Variants in PPFIBP2 observed in about 807,000 individuals in gnomAD.
PPFIBP2 encodes liprin-beta-2.
PPFIBP2 carries 118 observed loss-of-function variants against 118.3 expected under a neutral mutation model. That is an observed-to-expected ratio of 1.00 (90% CI 0.86 to 1.16). The LOEUF is 1.16. Among genes scored for constraint, PPFIBP2 ranks in the 50% most tolerant of loss-of-function variants. PPFIBP2 has a pLI of 0.00. For synonymous variants in PPFIBP2, 414 were observed against 397.4 expected, an observed-to-expected ratio of 1.04 and a Z score of -0.50; for missense variants, 1,195 against 1,073.1, an observed-to-expected ratio of 1.11 and a Z score of -1.59.
At chr11:7,520,883 G>A (rs1048395781) in intron 1 of PPFIBP2, among the ~76,000 whole-genome samples, 2 of 152,268 alleles carry the variant, frequency 1.3e-5, no homozygotes, top group South Asian at 2.1e-4. Flanking sequence ...TCTAGGAAAG[G>A]TGGGCTTTAT....
intron 6 of PPFIBP2, among the ~76,000 whole-genome samples, chr11:7,610,792 C>G (rs1030600838): frequency 9.9e-5 from 15 of 152,212 alleles, no homozygotes; most frequent in African/African-American, 3.4e-4. Flanking sequence ...GCCATTGACA[C>G]TGGATCCAAG....
chr11:7,543,347 A>G (rs1292986112), intron 1 of PPFIBP2, among the ~76,000 whole-genome samples: 1 of 152,224 alleles, frequency 6.6e-6, no homozygotes, highest in Non-Finnish European at 1.5e-5. Flanking sequence ...CTTCTTTATC[A>G]TCTGTTTGCC....
At chr11:7,600,400 A>G (rs1338977258) in intron 5 of PPFIBP2, among the ~76,000 whole-genome samples, 2 of 152,208 alleles carry the variant, frequency 1.3e-5, no homozygotes, top group Non-Finnish European at 2.9e-5. Flanking sequence ...CACAGTGCTG[A>G]TGCAATATCT....
chr11:7,564,150 A>C (rs1182245661), intron 2 of PPFIBP2, among the ~76,000 whole-genome samples: 1 of 150,760 alleles, frequency 6.6e-6, no homozygotes, highest in African/African-American at 2.4e-5. Context: ...TGGGTGACAG[A>C]GCAAGACTCC....
chr11:7,641,134 TCA>T, intron 15 of PPFIBP2: 1 of 1,189,318 alleles, frequency 8.4e-7, no homozygotes, highest in East Asian at 5.3e-5. Context: ...ACCCTCCCCT[TCA>T]CCAGCACTCA....
intron 5 of PPFIBP2, among the ~76,000 whole-genome samples, chr11:7,605,417 G>A (rs1847217285): frequency 6.6e-6 from 1 of 152,256 alleles, no homozygotes; most frequent in Admixed American, 6.5e-5. Flanking sequence ...GAGTCAGCCA[G>A]AGACAAACAC....
chr11:7,577,332 T>TGTGTGTGTGCGTGTGTGTGTGC (rs1554958811), intron 3 of PPFIBP2: 16 of 243,544 alleles, frequency 6.6e-5, no homozygotes, highest in East Asian at 1.9e-4. Flanking sequence ...TGTGTGTGTG[T>TGTGTGTGTGCGTGTGTGTGTGC]GTGTGTGTGT....
At position 7,520,554 on chromosome 11, in the gene PPFIBP2, G is replaced by A. The variant is rs889015439; in HGVS notation, c.-37+6433G>A. On this transcript the variant is annotated intron_variant, in intron 1 of 23. Transcript: ENST00000299492. ...ATGCAAATCTGTTCATGATGCTGTC[G>A]TGTTTGAAATCCTCTGGTGGATATC... is the stretch of plus-strand genomic sequence containing the variant. Among the ~76,000 whole-genome samples, 13 of 150,106 alleles carry A rather than the reference G, an allele frequency of 8.7e-5. No individual in the cohort carries two copies. In the East Asian group the frequency reaches 1.2e-3, roughly 13 times the overall value.
chr11:7,631,751 A>G (rs1015114524), intron 11 of PPFIBP2, among the ~76,000 whole-genome samples: 1 of 152,192 alleles, frequency 6.6e-6, no homozygotes, highest in Non-Finnish European at 1.5e-5. Context: ...CCAGTGAGCC[A>G]GTTATTGACT....
intron 5 of PPFIBP2, among the ~76,000 whole-genome samples, chr11:7,600,822 A>G (rs1861295578): frequency 6.6e-6 from 1 of 152,228 alleles, no homozygotes; most frequent in South Asian, 2.1e-4. Context: ...ATTTTTCACA[A>G]GAGACTCAAA....
chr11:7,549,157 C>G (rs1435669203), intron 1 of PPFIBP2, among the ~76,000 whole-genome samples: 1 of 152,134 alleles, frequency 6.6e-6, no homozygotes, highest in African/African-American at 2.4e-5. Context: ...ATTGTTACAC[C>G]TGGTGAGGTG....
At chr11:7,666,184 CA>C in the PPFIBP2 span, 1 of 596,882 alleles carries the variant, frequency 1.7e-6, no homozygotes, top group Non-Finnish European at 3.0e-6. Flanking sequence ...TCACAGTGGA[CA>C]GGGGCAGTGT....
intron 3 of PPFIBP2, 101 bp from the exon 4 acceptor site, chr11:7,593,031 A>G (rs773154435): frequency 2.9e-5 from 43 of 1,486,990 alleles, no homozygotes; most frequent in Admixed American, 9.0e-5. Flanking sequence ...TAATCAGTGA[A>G]ACTATCCTCA....
At chr11:7,567,617 G>A (rs570071094) in intron 3 of PPFIBP2, among the ~76,000 whole-genome samples, 39 of 152,354 alleles carry the variant, frequency 2.6e-4, no homozygotes, top group Non-Finnish European at 4.7e-4. Context: ...TCTGGACAGA[G>A]ATAGCCTGTC....
chr11:7,585,077 C>T (rs1412294312), intron 3 of PPFIBP2, among the ~76,000 whole-genome samples: 5 of 152,174 alleles, frequency 3.3e-5, no homozygotes, highest in African/African-American at 9.7e-5. Context: ...AAAATCTCAG[C>T]GTATTTACAG....
At chr11:7,628,250 TATAA>T in intron 8 of PPFIBP2, 31 bp from the exon 9 acceptor site, 1 of 1,569,564 alleles carries the variant, frequency 6.4e-7, no homozygotes, top group Non-Finnish European at 8.8e-7. Flanking sequence ...TCTGTATTTA[TATAA>T]ATAATTATTT....
At chr11:7,570,559 G>T (rs1261789855) in intron 3 of PPFIBP2, among the ~76,000 whole-genome samples, 3 of 152,220 alleles carry the variant, frequency 2.0e-5, no homozygotes, top group African/African-American at 7.2e-5. Flanking sequence ...CAGGCTCCAG[G>T]GTGAGGGGTG....
chr11:7,647,835 T>C (rs540834715), intron 17 of PPFIBP2, among the ~76,000 whole-genome samples: 65 of 152,244 alleles, frequency 4.3e-4, no homozygotes, highest in Non-Finnish European at 8.4e-4. Context: ...TTAGTACTGA[T>C]GAAAAATATA....
At chr11:7,652,919 A>G (rs1327264963) in intron 23 of PPFIBP2, 105 bp from the exon 24 acceptor site, 13 of 1,312,402 alleles carry the variant, frequency 9.9e-6, no homozygotes, top group South Asian at 1.4e-5. Context: ...AGTTTACATT[A>G]TTCCTCTCCT....
Sources: allele counts gnomAD v4.1 joint callset (sites outside exome capture counted in the v4.1 genomes callset), GRCh38; gene constraint gnomAD v4.1.1; transcripts MANE v1.5; gene names NCBI Gene and HGNC (gene_info 2026-07-23, HGNC 2026-07-21).